IDO2: variants seen among roughly 807,000 people sequenced by gnomAD.
The protein encoded by IDO2 is indoleamine 2,3-dioxygenase 2.
Under a neutral mutation model 45.1 loss-of-function variants are expected in IDO2, and 46 were observed. The ratio of observed to expected loss-of-function variants is 1.02; its 90% confidence interval spans 0.80 to 1.30. The LOEUF is 1.30. Among genes scored for constraint, IDO2 ranks in the 50% most tolerant of loss-of-function variants. The probability of loss-of-function intolerance (pLI) is 0.00; values close to 1 mark genes in which losing one functional copy is unlikely to be tolerated. For missense variants in IDO2, 544 were observed against 491.8 expected, an observed-to-expected ratio of 1.11 and a Z score of -1.00; for synonymous variants, 218 against 184.9, an observed-to-expected ratio of 1.18 and a Z score of -1.45.
chr8:39,955,251 CTTTT>C (rs34726763), intron 2 of IDO2, among the ~76,000 whole-genome samples: 1,544 of 97,012 alleles, frequency 0.016, 29 homozygotes, highest in African/African-American at 0.052. Context: ...TAATATTTGC[CTTTT>C]TTTTTTTTTT....
intron 1 of IDO2, among the ~76,000 whole-genome samples, chr8:39,940,822 A>T (rs10958575): frequency 0.22 from 33,617 of 151,462 alleles, 3,853 homozygotes; most frequent in African/African-American, 0.29. Flanking sequence ...GGTGATGGAG[A>T]TGTCAATTAC....
chr8:39,984,526 C>T (rs1365027232), intron 5 of IDO2, among the ~76,000 whole-genome samples: 4 of 152,240 alleles, frequency 2.6e-5, no homozygotes, highest in South Asian at 4.1e-4. Flanking sequence ...TTAATAGCTT[C>T]CTAGGGAGTA....
chr8:39,975,157 G>C (rs1808239868), intron 3 of IDO2, among the ~76,000 whole-genome samples: 1 of 116,254 alleles, frequency 8.6e-6, no homozygotes, highest in Non-Finnish European at 1.7e-5. Flanking sequence ...CACAACATTG[G>C]AGTTTTTTTT....
intron 3 of IDO2, among the ~76,000 whole-genome samples, chr8:39,977,811 A>C (rs1025140124): frequency 6.6e-6 from 1 of 152,120 alleles, no homozygotes; most frequent in African/African-American, 2.4e-5. Context: ...TTTATTTTTA[A>C]TTTTTGTGGG....
chr8:40,012,809 C>T (rs146617392), intron 9 of IDO2, among the ~76,000 whole-genome samples: 2 of 152,084 alleles, frequency 1.3e-5, no homozygotes, highest in African/African-American at 2.4e-5. Flanking sequence ...AGAGCATGGC[C>T]GGCAGCCCAG....
intron 1 of IDO2, among the ~76,000 whole-genome samples, chr8:39,948,290 TACA>T: frequency 6.6e-6 from 1 of 152,358 alleles, no homozygotes; most frequent in South Asian, 2.1e-4. Flanking sequence ...TCAAACTACA[TACA>T]ACACCTTCTG....
At chr8:39,973,132 AGG>A (rs1808205004) in intron 3 of IDO2, among the ~76,000 whole-genome samples, 1 of 152,156 alleles carries the variant, frequency 6.6e-6, no homozygotes, top group African/African-American at 2.4e-5. Context: ...ACTGTGAGTG[AGG>A]GAAGTTATAG....
intron 2 of IDO2, among the ~76,000 whole-genome samples, chr8:39,954,754 C>G (rs1807865461): frequency 1.4e-5 from 2 of 145,644 alleles, no homozygotes; most frequent in Non-Finnish European, 3.0e-5. Flanking sequence ...CTCCCGGGTT[C>G]AAGCAATTCT....
intron 2 of IDO2, among the ~76,000 whole-genome samples, chr8:39,960,590 G>A (rs1017199007): frequency 3.9e-5 from 6 of 152,090 alleles, no homozygotes; most frequent in South Asian, 2.1e-4. Flanking sequence ...ACACACTAAC[G>A]TTTGAACCCT....
chr8:40,009,778 C>A (rs1585422306), intron 9 of IDO2, among the ~76,000 whole-genome samples: 1 of 152,264 alleles, frequency 6.6e-6, no homozygotes, highest in South Asian at 2.1e-4. Flanking sequence ...GAGGGTGAGG[C>A]ACTGAAAGCA....
exon 2 of IDO2, chr8:39,949,192 G>A: frequency 6.2e-7 from 1 of 1,609,040 alleles, no homozygotes; most frequent in African/African-American, 1.3e-5. Context: ...CGAATGTGAA[G>A]ACAGCAGTGC....
At chr8:39,954,649 CTTTTT>C (rs542016899) in intron 2 of IDO2, among the ~76,000 whole-genome samples, 3 of 84,728 alleles carry the variant, frequency 3.5e-5, no homozygotes, top group East Asian at 3.8e-4. Context: ...GTCTCTCTCT[CTTTTT>C]TTTTTTTTTT....
At chr8:39,979,950 A>G (rs2129594406) in intron 4 of IDO2, among the ~76,000 whole-genome samples, 1 of 152,208 alleles carries the variant, frequency 6.6e-6, no homozygotes, top group Admixed American at 6.5e-5. Context: ...GCCTCCTGAG[A>G]AGCTGGGGCT....
intron 1 of IDO2, among the ~76,000 whole-genome samples, chr8:39,943,335 T>C (rs1807676290): frequency 6.6e-6 from 1 of 152,096 alleles, no homozygotes; most frequent in Admixed American, 6.5e-5. Context: ...TGTGCCACTG[T>C]ACTCCAGTCT....
At chr8:40,016,297 T>C in exon 11 of IDO2, 1 of 398,074 alleles carries the variant, frequency 2.5e-6, no homozygotes, top group Non-Finnish European at 4.4e-6. Flanking sequence ...ATTTGTAAAA[T>C]GAATGAATGG....
chr8:39,950,474 T>C (rs1317365908), intron 2 of IDO2, among the ~76,000 whole-genome samples: 5 of 152,144 alleles, frequency 3.3e-5, no homozygotes, highest in African/African-American at 9.7e-5. Context: ...GAGGTTGCAA[T>C]GAGTGGAGAT....
At chr8:39,992,106 C>T (rs866520054) in intron 8 of IDO2, among the ~76,000 whole-genome samples, 33 of 152,366 alleles carry the variant, frequency 2.2e-4, no homozygotes, top group African/African-American at 6.3e-4. Context: ...TGCCATCCTG[C>T]GCGCTCCTCC....
exon 11 of IDO2, chr8:40,015,742 C>G: frequency 1.5e-6 from 1 of 652,954 alleles, no homozygotes; most frequent in East Asian, 2.7e-5. Context: ...GCACTATATT[C>G]TCCTTGTTGA....
Position 39,935,122 on chromosome 8 carries a change from G to A in IDO2, c.-114G>A. The A allele has an allele frequency of 7.9e-7, 1 of 1,261,880 alleles. No individual in the cohort carries two copies. The highest frequency in any genetic ancestry group is 1.5e-5 in the African/African-American group (1 of 68,124). The allele number at this position is 1,261,880 out of a possible 1,614,324, so 78.2% of individuals were successfully genotyped here. A position where few individuals can be genotyped will look rare whatever the true frequency, so the allele number is the denominator to read the frequency against. On this transcript the variant is annotated 5_prime_UTR_variant, in exon 1 of 11. The change abolishes an upstream ATG in the 5' untranslated region. Coordinates refer to ENST00000502986, the Ensembl canonical transcript of IDO2. ...AATGTACCATAATACAGAAGGCAAT[G>A]GACACCTAAAGAACAGAATGAAAAC...
Sources: allele counts gnomAD v4.1 joint callset (sites outside exome capture counted in the v4.1 genomes callset), GRCh38; gene constraint gnomAD v4.1.1; transcripts MANE v1.5; gene names NCBI Gene and HGNC (gene_info 2026-07-23, HGNC 2026-07-21).